The following LYRM7 variants were observed in gnomAD, a reference collection of about 807,000 sequenced individuals.
The protein encoded by LYRM7 is complex III assembly factor LYRM7.
A neutral mutation model predicts 15.8 loss-of-function variants in LYRM7; 9 were observed. That is an observed-to-expected ratio of 0.57 (90% CI 0.34 to 0.99). The LOEUF is 0.99. LYRM7 is among the 50% of genes least tolerant of loss of function. LYRM7 has a pLI of 0.02. For synonymous variants in LYRM7, 39 were observed against 39.4 expected, an observed-to-expected ratio of 0.99 and a Z score of 0.04; for missense variants, 115 against 119.1, an observed-to-expected ratio of 0.97 and a Z score of 0.16.
Position 131,187,221 on chromosome 5 carries a change from A to G in LYRM7, c.244+112A>G, listed in dbSNP as rs17165949. 0.14 allele frequency: 86,129 copies of G among 632,958 alleles called. 6,657 individuals are homozygous for G. The highest frequency in any genetic ancestry group is 0.27 in the African/African-American group (14,727 of 54,242). 39.2% of individuals were successfully genotyped at this position (632,958 alleles called of 1,614,324 possible). On this transcript the variant is annotated intron_variant, in intron 4 of 4. Transcript: ENST00000379380. ...AAACAGCTTGATTTTGCCAGACAAT[A>G]TGGTATATAGCATATATATTTTACA...
At position 131,200,048 on chromosome 5, in the gene LYRM7, G is replaced by A. The variant is rs930762936; in HGVS notation, c.*447G>A. On this transcript the variant is annotated 3_prime_UTR_variant, in exon 5 of 5. Transcript: ENST00000379380. The stretch of plus-strand genomic sequence containing the variant: ...TTAAATTGGTCAAAAAAATCACAGT[G>A]TATGCCAGCTCTCTACAGAAAGTGG... 6.6e-6 allele frequency: 1 copy of A among 152,266 alleles called. No individual in the cohort carries two copies. The highest frequency in any genetic ancestry group is 2.1e-4 in the South Asian group (1 of 4,844). The allele number at this position is 152,266 out of a possible 1,614,324, so 9.4% of individuals were successfully genotyped here.
rs1042801903 is a variant in LYRM7, at chr5:131,200,079, G to C, written c.*478G>C. 2 of 152,288 alleles carry C rather than the reference G, an allele frequency of 1.3e-5. No homozygotes were observed. The highest frequency in any genetic ancestry group is 4.8e-5 in the African/African-American group (2 of 41,432). 9.4% of individuals were successfully genotyped at this position (152,288 alleles called of 1,614,324 possible). A position where few individuals can be genotyped will look rare whatever the true frequency, so the allele number is the denominator to read the frequency against. On this transcript the variant is annotated 3_prime_UTR_variant, in exon 5 of 5. Transcript: ENST00000379380. Reference sequence around the variant, plus strand: ...CAGCTCTCTACAGAAAGTGGCCTTTGTTTTCTAAAGCACTGGGATTATTTC... The same window carrying C: ...CAGCTCTCTACAGAAAGTGGCCTTTCTTTTCTAAAGCACTGGGATTATTTC...
At chr5:131,176,050 G>C (rs1441582408) in intron 1 of LYRM7, among the ~76,000 whole-genome samples, 1 of 152,188 alleles carries the variant, frequency 6.6e-6, no homozygotes, top group African/African-American at 2.4e-5. Flanking sequence ...GTGAGCCACT[G>C]CATCAGCCTG....
intron 1 of LYRM7, among the ~76,000 whole-genome samples, chr5:131,178,934 C>G (rs1038715189): frequency 5.0e-5 from 7 of 140,842 alleles, no homozygotes; most frequent in African/African-American, 1.9e-4. Context: ...TGCACTCCAG[C>G]CTGGGTGACA....
At chr5:131,178,712 C>G (rs1561543354) in intron 1 of LYRM7, among the ~76,000 whole-genome samples, 1 of 152,096 alleles carries the variant, frequency 6.6e-6, no homozygotes, top group Non-Finnish European at 1.5e-5. Flanking sequence ...CCTGTAATCC[C>G]AGCACTTTGG....
At chr5:131,197,765 A>C (rs1180607871) in intron 4 of LYRM7, among the ~76,000 whole-genome samples, 1 of 151,412 alleles carries the variant, frequency 6.6e-6, no homozygotes, top group East Asian at 1.9e-4. Context: ...AGCTGGTCTC[A>C]AACTCCTGGC....
Position 131,205,378 on chromosome 5 carries a change from T to G in LYRM7, c.*5777T>G, listed in dbSNP as rs1756162140. Reference sequence around the variant, plus strand: ...TAATTTGGCATGAATTCAGGTCTTTTAAGTTTTATTCCATTGTAAGAATAA... The same window carrying G: ...TAATTTGGCATGAATTCAGGTCTTTGAAGTTTTATTCCATTGTAAGAATAA... On this transcript the variant is annotated 3_prime_UTR_variant, in exon 5 of 5. Coordinates refer to ENST00000379380, the MANE Select transcript of LYRM7 (RefSeq NM_181705.4). 1 of 152,246 alleles carries G rather than the reference T, an allele frequency of 6.6e-6. No homozygotes were observed. The highest frequency in any genetic ancestry group is 2.4e-5 in the African/African-American group (1 of 41,466). The allele number at this position is 152,246 out of a possible 1,614,324, so 9.4% of individuals were successfully genotyped here. A position where few individuals can be genotyped will look rare whatever the true frequency, so the allele number is the denominator to read the frequency against.
chr5:131,182,315 C>A lies in LYRM7; in HGVS notation c.162+16C>A, dbSNP rs753743067. 3.7e-6 allele frequency: 5 copies of A among 1,366,242 alleles called. No individual in the cohort carries two copies. The highest frequency in any genetic ancestry group is 2.8e-5 in the East Asian group (1 of 36,260). The allele number at this position is 1,366,242 out of a possible 1,614,324, so 84.6% of individuals were successfully genotyped here. ...AATAGAAGAGGTACAGTAATTTTTTCAATTATAGTAAAACTTATACAATTA... is the reference window on the plus strand; with the variant it reads ...AATAGAAGAGGTACAGTAATTTTTTAAATTATAGTAAAACTTATACAATTA... On this transcript the variant is annotated intron_variant, in intron 3 of 4. Transcript: ENST00000379380.
At chr5:131,172,377 C>T (rs1437820326) in intron 1 of LYRM7, among the ~76,000 whole-genome samples, 1 of 152,158 alleles carries the variant, frequency 6.6e-6, no homozygotes, top group Non-Finnish European at 1.5e-5. Context: ...TGCGCCACTA[C>T]ACTCTAGCCT....
intron 4 of LYRM7, among the ~76,000 whole-genome samples, chr5:131,188,411 A>G (rs1361392236): frequency 1.8e-5 from 2 of 108,472 alleles, no homozygotes. Context: ...GCCACATGTA[A>G]AAAAAAAAAA....
intron 1 of LYRM7, among the ~76,000 whole-genome samples, chr5:131,178,416 G>T (rs965234725): frequency 1.3e-5 from 2 of 152,182 alleles, no homozygotes; most frequent in Admixed American, 1.3e-4. Context: ...ATGACCTACT[G>T]ATTTCTGGCT....
At chr5:131,194,424 G>A (rs964688163) in intron 4 of LYRM7, among the ~76,000 whole-genome samples, 6 of 152,100 alleles carry the variant, frequency 3.9e-5, no homozygotes, top group African/African-American at 1.2e-4. Flanking sequence ...TTCAAATAAC[G>A]CTGCTTTGTT....
chr5:131,192,029 GCATA>G (rs1181525821), intron 4 of LYRM7, among the ~76,000 whole-genome samples: 26 of 110,524 alleles, frequency 2.4e-4, no homozygotes, highest in Non-Finnish European at 2.5e-4. Context: ...AAAATGTGGT[GCATA>G]CACACACACA....
intron 4 of LYRM7, among the ~76,000 whole-genome samples, chr5:131,195,914 A>G (rs531479981): frequency 6.6e-6 from 1 of 152,250 alleles, no homozygotes; most frequent in South Asian, 2.1e-4. Context: ...CCTTAGAACA[A>G]TGAGGCTCAG....
At chr5:131,189,387 G>T (rs961766359) in intron 4 of LYRM7, among the ~76,000 whole-genome samples, 2 of 129,368 alleles carry the variant, frequency 1.5e-5, no homozygotes, top group African/African-American at 6.0e-5. Context: ...AGCTTGCAGT[G>T]AGTCAAGATC....
chr5:131,186,960 T>A (rs1212359347), intron 3 of LYRM7, 68 bp from the exon 4 acceptor site: 35 of 886,520 alleles, frequency 3.9e-5, no homozygotes, highest in Non-Finnish European at 5.7e-5. Context: ...AAACTATCGT[T>A]TTCAAAAACA....
chr5:131,198,810 A>T (rs1756012835), intron 4 of LYRM7, among the ~76,000 whole-genome samples: 1 of 151,180 alleles, frequency 6.6e-6, no homozygotes, highest in African/African-American at 2.4e-5. Context: ...ACCTCAAATG[A>T]TCATCCCTCC....
intron 4 of LYRM7, among the ~76,000 whole-genome samples, chr5:131,198,144 A>G (rs1221075917): frequency 6.6e-6 from 1 of 152,146 alleles, no homozygotes; most frequent in Non-Finnish European, 1.5e-5. Flanking sequence ...TCCTGGAGAA[A>G]TACCTTAGAG....
At chr5:131,180,062 G>C (rs1286798982) in intron 1 of LYRM7, 33 bp from the exon 2 acceptor site, 1 of 1,493,988 alleles carries the variant, frequency 6.7e-7, no homozygotes, top group Admixed American at 1.7e-5. Flanking sequence ...ATGAGCCACT[G>C]TGCCCAACCT....
Sources: gnomAD v4.1 joint callset for allele counts (sites outside exome capture counted in the v4.1 genomes callset) on GRCh38, gnomAD v4.1.1 for gene constraint, MANE v1.5 for transcripts, NCBI Gene and HGNC (gene_info 2026-07-23, HGNC 2026-07-21) for gene names.